Variants in RC3H2 observed in about 807,000 individuals in gnomAD.
The protein encoded by RC3H2 is ring finger and CCCH-type domains 2, also known as roquin-2.
RC3H2 carries 31 observed loss-of-function variants against 133.3 expected under a neutral mutation model. The ratio of observed to expected loss-of-function variants is 0.23; its 90% CI spans 0.17 to 0.31. The LOEUF is 0.31. Ranked by LOEUF, RC3H2 falls within the 10% of genes least tolerant of loss-of-function variation. RC3H2 has a pLI of 1.00. For missense variants in RC3H2, 1,175 were observed against 1,437.2 expected (o/e 0.82, Z 2.95); for synonymous variants, 517 against 502.2 (o/e 1.03, Z -0.40).
At chr9:122,872,473 C>A (rs1187618636) in intron 9 of RC3H2, among the ~76,000 whole-genome samples, 1 of 152,174 alleles carries the variant, frequency 6.6e-6, no homozygotes, top group African/African-American at 2.4e-5. Context: ...AAAATGACTT[C>A]TTATTGCAAA....
intron 13 of RC3H2, 71 bp from the exon 14 acceptor site, chr9:122,855,949 G>A (rs1332972674): frequency 2.4e-6 from 3 of 1,269,574 alleles, no homozygotes; most frequent in Non-Finnish European, 3.2e-6. Context: ...CTAATATAAA[G>A]TAACTATTAT....
chr9:122,858,737 A>G lies in RC3H2; in HGVS notation c.2215T>C (p.Leu739=). The part of the protein sequence containing the change: ...QTSLRERYNS[L]DGYYSVACQP... ...CAAGCCACCGAATAATATCCATCTAATGAGTTATATCTTTCCCGCAAAGAT... is the reference window on the plus strand; with the variant it reads ...CAAGCCACCGAATAATATCCATCTAGTGAGTTATATCTTTCCCGCAAAGAT... The change falls in exon 12 of 21, where the codon TTA becomes CTA. Residue 739 remains leucine, a synonymous_variant. Coordinates refer to ENST00000357244, the MANE Select transcript of RC3H2 (RefSeq NM_001100588.3). The G allele has an allele frequency of 1.2e-6, 2 of 1,614,196 alleles. No individual in the cohort carries two copies. The highest frequency in any genetic ancestry group is 2.2e-5 in the East Asian group (1 of 44,892).
chr9:122,890,297 A>T lies in RC3H2; in HGVS notation c.583+15T>A, dbSNP rs779244180. ...CAATAGCTAATAAAAAAGGTAAGAT[A>T]GTAACCTATCTTACCTGGCCCTAAA... is the stretch of plus-strand genomic sequence containing the variant. On this transcript the variant is annotated intron_variant, in intron 4 of 20. Transcript: ENST00000357244. The T allele has an allele frequency of 1.2e-6, 2 of 1,608,646 alleles. No homozygotes were observed. Among genetic ancestry groups the T allele is most frequent in the South Asian group, 2.2e-5 (2 of 90,840 alleles).
chr9:122,853,428 T>C (rs1830127214), intron 18 of RC3H2, among the ~76,000 whole-genome samples: 1 of 150,128 alleles, frequency 6.7e-6, no homozygotes, highest in African/African-American at 2.5e-5. Flanking sequence ...CTGTGGAACC[T>C]GGGGTTTCCC....
chr9:122,894,115 C>T lies in RC3H2; in HGVS notation c.232-1089G>A, dbSNP rs183590561. ...TCTACTAAAAATACAAAAAATTAGCCGGGCGTGGTGGCGGGCACCTGTAGT... is the reference window on the plus strand; with the variant it reads ...TCTACTAAAAATACAAAAAATTAGCTGGGCGTGGTGGCGGGCACCTGTAGT... On this transcript the variant is annotated intron_variant, in intron 2 of 20. Transcript: ENST00000357244. 4.2e-3 allele frequency among the ~76,000 whole-genome samples: 639 copies of T among 152,000 alleles called. 8 individuals are homozygous for T. Among genetic ancestry groups the T allele is most frequent in the Non-Finnish European group, 4.5e-3 (306 of 67,944 alleles).
intron 9 of RC3H2, among the ~76,000 whole-genome samples, chr9:122,870,461 G>A (rs1831036400): frequency 6.6e-6 from 1 of 150,498 alleles, no homozygotes. Context: ...GCTCTAGAAA[G>A]CAAAAAATAA....
intron 5 of RC3H2, among the ~76,000 whole-genome samples, chr9:122,882,568 C>T (rs146262060): frequency 6.6e-6 from 1 of 152,340 alleles, no homozygotes; most frequent in African/African-American, 2.4e-5. Flanking sequence ...CAGCAACCTA[C>T]ACTCTTGGAT....
At chr9:122,856,498 A>AC (rs1390908598) in intron 13 of RC3H2, among the ~76,000 whole-genome samples, 1 of 152,122 alleles carries the variant, frequency 6.6e-6, no homozygotes, top group Non-Finnish European at 1.5e-5. Flanking sequence ...CAAGCAATCC[A>AC]CCCACTTCGA....
intron 9 of RC3H2, among the ~76,000 whole-genome samples, chr9:122,868,886 TG>T (rs1830912339): frequency 7.3e-4 from 13 of 17,872 alleles, no homozygotes; most frequent in Non-Finnish European, 2.1e-3. Context: ...TGTGTGTGTG[TG>T]TGTATGTGTT....
chr9:122,882,830 A>G (rs1047963511), intron 5 of RC3H2, among the ~76,000 whole-genome samples: 19 of 152,372 alleles, frequency 1.2e-4, no homozygotes, highest in African/African-American at 4.3e-4. Flanking sequence ...TGAGATAACA[A>G]ACATAATAAT....
At position 122,865,397 on chromosome 9, in the gene RC3H2, G is replaced by C. The variant is rs1476633122; in HGVS notation, c.1586C>G (p.Ala529Gly). 18 of 1,613,994 alleles carry C rather than the reference G, an allele frequency of 1.1e-5. No individual in the cohort carries two copies. The highest frequency in any genetic ancestry group is 1.5e-5 in the Non-Finnish European group (18 of 1,179,984). ...ETVKKVGKVG[A>G]NGQNAAGPSA... is the part of the protein sequence containing the mutation. ...GGGCCCAGCAGCATTCTGACCATTAGCGCCAACCTTTCCCACTTTCTTCAC... is the reference window on the plus strand; with the variant it reads ...GGGCCCAGCAGCATTCTGACCATTACCGCCAACCTTTCCCACTTTCTTCAC... The change falls in exon 10 of 21, where the codon GCT becomes GGT. Residue 529 changes from alanine (A) to glycine (G), a missense_variant. Ala to Gly is a moderately conservative substitution (Grantham distance 60). Transcript: ENST00000357244.
intron 1 of RC3H2, among the ~76,000 whole-genome samples, chr9:122,900,181 T>A (rs1208000830): frequency 6.6e-6 from 1 of 152,184 alleles, no homozygotes; most frequent in Non-Finnish European, 1.5e-5. Flanking sequence ...TTAACATAAT[T>A]AATACTGAGA....
At chr9:122,899,855 T>C (rs1056327343) in intron 1 of RC3H2, among the ~76,000 whole-genome samples, 1 of 152,220 alleles carries the variant, frequency 6.6e-6, no homozygotes, top group African/African-American at 2.4e-5. Flanking sequence ...GGCCACCTGT[T>C]TGGAAATGTT....
intron 10 of RC3H2, 121 bp downstream of exon 10, chr9:122,865,228 A>G (rs1039113259): frequency 1.1e-6 from 1 of 917,366 alleles, no homozygotes; most frequent in African/African-American, 1.7e-5. Context: ...TTTCTTCTAC[A>G]TCACAAAATA....
chr9:122,895,038 A>T (rs1365740414), intron 2 of RC3H2, among the ~76,000 whole-genome samples: 1 of 152,234 alleles, frequency 6.6e-6, no homozygotes, highest in Non-Finnish European at 1.5e-5. Flanking sequence ...AGTAAAAGAG[A>T]TAACAGAATT....
intron 7 of RC3H2, 30 bp from the exon 8 acceptor site, chr9:122,879,903 T>TG (rs747505387): frequency 8.6e-5 from 138 of 1,611,160 alleles, no homozygotes; most frequent in Middle Eastern, 3.3e-4. Flanking sequence ...GCATGGGGGT[T>TG]GGGGGGGAAG....
chr9:122,849,142 C>G lies in RC3H2; in HGVS notation c.*485G>C, dbSNP rs1179547656. 1 of 151,874 alleles carries G rather than the reference C, an allele frequency of 6.6e-6. No homozygotes were observed. The highest frequency in any genetic ancestry group is 1.5e-5 in the Non-Finnish European group (1 of 67,964). The allele number at this position is 151,874 out of a possible 1,614,324, so 9.4% of individuals were successfully genotyped here. A position where few individuals can be genotyped will look rare whatever the true frequency, so the allele number is the denominator to read the frequency against. On this transcript the variant is annotated 3_prime_UTR_variant, in exon 21 of 21. Transcript: ENST00000357244. ...AAGAAAAAGAAATCCATGCAAAGTT[C>G]CATGAAAAAGATAAATAAAGCAGCT...
At chr9:122,860,791 C>T (rs1700207092) in intron 10 of RC3H2, among the ~76,000 whole-genome samples, 1 of 151,604 alleles carries the variant, frequency 6.6e-6, no homozygotes, top group African/African-American at 2.4e-5. Flanking sequence ...GACAAGTTCT[C>T]AACCGAAAAA....
At chr9:122,882,488 A>G (rs1831688944) in intron 5 of RC3H2, among the ~76,000 whole-genome samples, 1 of 152,212 alleles carries the variant, frequency 6.6e-6, no homozygotes, top group East Asian at 1.9e-4. Context: ...TCAAATTTAA[A>G]TGTTTTACTT....
Sources: gnomAD v4.1 joint callset for allele counts (sites outside exome capture counted in the v4.1 genomes callset) on GRCh38, gnomAD v4.1.1 for gene constraint, MANE v1.5 for transcripts, NCBI Gene and HGNC (gene_info 2026-07-23, HGNC 2026-07-21) for gene names.